Variants in CRACDL observed in about 807,000 individuals in gnomAD.
CRACDL encodes the protein CRACD-like protein.
CRACDL carries 26 observed loss-of-function variants against 70.6 expected under a neutral mutation model. The observed-to-expected ratio is 0.37, with a 90% CI of 0.27 to 0.51. CRACDL has a LOEUF of 0.51. Ranked by LOEUF, CRACDL falls within the 20% of genes least tolerant of loss-of-function variation. CRACDL has a pLI of 0.94. For synonymous variants in CRACDL, 618 were observed against 615.2 expected, an observed-to-expected ratio of 1.00 and a Z score of -0.07; for missense variants, 1,283 against 1,376.9, an observed-to-expected ratio of 0.93 and a Z score of 1.08.
intron 1 of CRACDL, chr2:98,897,453 T>C (rs753819479): frequency 1.6e-6 from 2 of 1,235,604 alleles, no homozygotes; most frequent in South Asian, 2.6e-5. Flanking sequence ...ATTCATTACA[T>C]GGAGTATGCA....
intron 1 of CRACDL, among the ~76,000 whole-genome samples, chr2:98,929,958 G>A (rs556562986): frequency 3.3e-5 from 5 of 152,158 alleles, no homozygotes; most frequent in South Asian, 2.1e-4. Context: ...AAAGGTGCTC[G>A]ATACCACGAT....
intron 1 of CRACDL, among the ~76,000 whole-genome samples, chr2:98,884,602 G>A (rs1382011905): frequency 6.6e-6 from 1 of 152,206 alleles, no homozygotes; most frequent in African/African-American, 2.4e-5. Context: ...AATCCCCAGT[G>A]CAATGGTATT....
chr2:98,821,843 C>G lies in CRACDL; in HGVS notation c.2416+14G>C. ...CCAGGCCCTGCCCTTCCCGCACCCT[C>G]GGCGGGCTCTTACCAGCTCCCCTGC... On this transcript the variant is annotated intron_variant, in intron 7 of 9. Transcript: ENST00000397899. 6.2e-7 allele frequency: 1 copy of G among 1,606,630 alleles called. No individual in the cohort carries two copies.
chr2:98,851,505 G>A (rs1210734369), intron 1 of CRACDL, among the ~76,000 whole-genome samples: 3 of 152,148 alleles, frequency 2.0e-5, no homozygotes, highest in Non-Finnish European at 2.9e-5. Context: ...AGGGAAGACA[G>A]GGAAAACACC....
intron 5 of CRACDL, 96 bp from the exon 6 acceptor site, chr2:98,827,265 T>G (rs1386840649): frequency 3.7e-6 from 3 of 816,850 alleles, no homozygotes; most frequent in Non-Finnish European, 6.1e-6. Context: ...CCAGGCTGTC[T>G]TCCCACACTG....
intron 1 of CRACDL, among the ~76,000 whole-genome samples, chr2:98,880,415 A>C (rs1038413008): frequency 5.3e-5 from 8 of 152,196 alleles, no homozygotes; most frequent in African/African-American, 1.9e-4. Flanking sequence ...CAGTAGCTGA[A>C]TAGAATATTA....
In CRACDL at chr2:98,823,962, C is replaced by T. The variant is rs988717181; in HGVS notation, c.736-425G>A. On this transcript the variant is annotated intron_variant, in intron 6 of 9. Coordinates refer to ENST00000397899, the MANE Select transcript of CRACDL (RefSeq NM_207362.3). This position sits in a 1 kb window ranked among gnomAD's most constrained non-coding sequence, Gnocchi z 4.0. The stretch of plus-strand genomic sequence containing the variant: ...AGCCAGGAACTCAGAGAGGCCAATA[C>T]CTTGTTCAAGCCTGGGCAAGCAGGT... Among the ~76,000 whole-genome samples, 2 of 152,188 alleles carry T rather than the reference C, an allele frequency of 1.3e-5. No individual in the cohort carries two copies. Among genetic ancestry groups the T allele is most frequent in the African/African-American group, 4.8e-5 (2 of 41,444 alleles).
chr2:98,798,733 C>CTGAAGTA (rs1703948546), intron 7 of CRACDL, among the ~76,000 whole-genome samples: 1 of 151,496 alleles, frequency 6.6e-6, no homozygotes, highest in Non-Finnish European at 1.5e-5. Context: ...ACTCTGACAC[C>CTGAAGTA]CAGGCTGAAG....
At chr2:98,814,993 T>C (rs1476090164) in intron 7 of CRACDL, among the ~76,000 whole-genome samples, 1 of 152,174 alleles carries the variant, frequency 6.6e-6, no homozygotes, top group Non-Finnish European at 1.5e-5. Flanking sequence ...TATATGAATA[T>C]ATAGCCACTC....
At chr2:98,826,922 G>A in intron 6 of CRACDL, 53 bp downstream of exon 6, 1 of 1,440,242 alleles carries the variant, frequency 6.9e-7, no homozygotes, top group Non-Finnish European at 9.5e-7. Flanking sequence ...GGGGCATAGG[G>A]GGGTGCCAAG....
Position 98,822,394 on chromosome 2 carries a change from G to A in CRACDL, c.1879C>T (p.Pro627Ser). 1 of 1,481,368 alleles carries A rather than the reference G, an allele frequency of 6.8e-7. No individual in the cohort carries two copies. Among genetic ancestry groups the A allele is most frequent in the Non-Finnish European group, 8.9e-7 (1 of 1,124,726 alleles). The allele number at this position is 1,481,368 out of a possible 1,614,324, so 91.8% of individuals were successfully genotyped here. A position where few individuals can be genotyped will look rare whatever the true frequency, so the allele number is the denominator to read the frequency against. Residue 627 changes from proline to serine, a missense_variant, in exon 7 of 10, where the codon CCT (proline) becomes TCT (serine). Physicochemically the swap from Pro to Ser is moderately conservative, Grantham distance 74 (BLOSUM62 -1). Coordinates refer to ENST00000397899, the MANE Select transcript of CRACDL (RefSeq NM_207362.3). This position sits in a 1 kb window ranked among gnomAD's most constrained non-coding sequence, Gnocchi z 4.9. ...CGCTCCGCCAGCTTCCGAGGGCCAG[G>A]TTTCGCGTGCTGGGGCTCGGGGAGA... ...QGLPEPQHAK[P>S]GPRKLAERGP...
At chr2:98,905,684 A>G (rs1197803555) in intron 1 of CRACDL, among the ~76,000 whole-genome samples, 2 of 147,220 alleles carry the variant, frequency 1.4e-5, no homozygotes, top group East Asian at 4.0e-4. Flanking sequence ...GCTAGAGTGC[A>G]GTGGCACGAT....
chr2:98,907,188 A>C (rs1369839619), intron 1 of CRACDL, among the ~76,000 whole-genome samples: 3 of 152,202 alleles, frequency 2.0e-5, no homozygotes, highest in Non-Finnish European at 4.4e-5. Flanking sequence ...GCTACTCAGG[A>C]GGCTGAGGCA....
intron 7 of CRACDL, among the ~76,000 whole-genome samples, chr2:98,808,133 C>T (rs1575328565): frequency 6.6e-6 from 1 of 152,324 alleles, no homozygotes; most frequent in East Asian, 1.9e-4. Flanking sequence ...AGAGCGCAGA[C>T]CTGGAGCCTC....
chr2:98,809,159 G>A (rs1167572868), intron 7 of CRACDL, among the ~76,000 whole-genome samples: 1 of 152,200 alleles, frequency 6.6e-6, no homozygotes, highest in African/African-American at 2.4e-5. Flanking sequence ...CCTGAATGCA[G>A]GGTGTCTGAG....
At chr2:98,908,711 A>G (rs1006374408) in intron 1 of CRACDL, among the ~76,000 whole-genome samples, 4 of 152,222 alleles carry the variant, frequency 2.6e-5, no homozygotes, top group African/African-American at 9.6e-5. Context: ...GGTGGCTTAC[A>G]GTCCAATGAC....
intron 1 of CRACDL, among the ~76,000 whole-genome samples, chr2:98,863,874 G>C (rs1283406793): frequency 6.6e-6 from 1 of 152,160 alleles, no homozygotes; most frequent in Admixed American, 6.5e-5. Context: ...CGTAGCATCA[G>C]AAAGTAAAAT....
intron 2 of CRACDL, among the ~76,000 whole-genome samples, chr2:98,844,885 AG>A: frequency 6.6e-6 from 1 of 152,352 alleles, no homozygotes; most frequent in East Asian, 1.9e-4. Context: ...ATCAAGTTCA[AG>A]GGTTGAGGTT....
chr2:98,923,795 G>C (rs752571106), intron 1 of CRACDL, among the ~76,000 whole-genome samples: 3 of 152,146 alleles, frequency 2.0e-5, no homozygotes, highest in Non-Finnish European at 2.9e-5. Flanking sequence ...TCATATGAAA[G>C]GTTTCTCAAA....
Sources: allele counts gnomAD v4.1 joint callset (sites outside exome capture counted in the v4.1 genomes callset), GRCh38; gene constraint gnomAD v4.1.1; non-coding constraint Gnocchi (gnomAD v3.1); transcripts MANE v1.5; gene names NCBI Gene and HGNC (gene_info 2026-07-23, HGNC 2026-07-21).